ZNF722: variants seen among roughly 807,000 people sequenced by gnomAD.
ZNF722 encodes zinc finger protein 722.
chr7:64,003,196 C>T, the ZNF722 span, among the ~76,000 whole-genome samples: 1 of 152,130 alleles, frequency 6.6e-6, no homozygotes, highest in African/African-American at 2.4e-5. Flanking sequence ...TTCATGCTCC[C>T]ATTACTGTAA....
chr7:64,016,415 A>G, the ZNF722 span, among the ~76,000 whole-genome samples: 1 of 151,974 alleles, frequency 6.6e-6, no homozygotes, highest in Non-Finnish European at 1.5e-5. Context: ...AAGAGAATTT[A>G]TATTAGAGAT....
chr7:64,006,921 G>A, the ZNF722 span, among the ~76,000 whole-genome samples: 6 of 151,676 alleles, frequency 4.0e-5, no homozygotes, highest in African/African-American at 1.5e-4. Context: ...TCATTTTACT[G>A]TGTTGTATAT....
chr7:64,002,688 C>T, the ZNF722 span, among the ~76,000 whole-genome samples: 1 of 152,158 alleles, frequency 6.6e-6, no homozygotes. Context: ...GTGTTATTCC[C>T]AGCACAGTGT....
the ZNF722 span, among the ~76,000 whole-genome samples, chr7:64,004,432 A>G: frequency 8.5e-6 from 1 of 118,022 alleles, no homozygotes; most frequent in South Asian, 2.7e-4. Flanking sequence ...AAAAATATAT[A>G]TATATATATA....
At chr7:64,009,430 T>C in the ZNF722 span, among the ~76,000 whole-genome samples, 1 of 152,194 alleles carries the variant, frequency 6.6e-6, no homozygotes, top group Non-Finnish European at 1.5e-5. Flanking sequence ...AATACCTAGT[T>C]TATTGAGAGT....
the ZNF722 span, among the ~76,000 whole-genome samples, chr7:64,010,069 C>G: frequency 1.1e-4 from 16 of 152,226 alleles, no homozygotes; most frequent in South Asian, 2.1e-4. Context: ...GTTTGTATTT[C>G]TGTGGGATCG....
the ZNF722 span, chr7:64,015,971 T>C: frequency 8.9e-7 from 1 of 1,122,952 alleles, no homozygotes; most frequent in Non-Finnish European, 1.3e-6. Context: ...TAATTTATGC[T>C]GGAAAAAAAC....
chr7:64,016,363 C>G, the ZNF722 span, among the ~76,000 whole-genome samples: 1 of 151,934 alleles, frequency 6.6e-6, no homozygotes, highest in South Asian at 2.1e-4. Context: ...GTCTCGAACT[C>G]CTAACCTCAG....
At chr7:64,015,642 G>A in the ZNF722 span, 5 of 1,613,742 alleles carry the variant, frequency 3.1e-6, no homozygotes, top group Admixed American at 3.3e-5. Flanking sequence ...AATTCATACT[G>A]GAGAGAGACC....
chr7:64,015,135 C>T, the ZNF722 span: 1 of 1,432,662 alleles, frequency 7.0e-7, no homozygotes, highest in South Asian at 1.1e-5. Flanking sequence ...TGAGAATTTA[C>T]AATTTAAAAA....
the ZNF722 span, among the ~76,000 whole-genome samples, chr7:64,013,719 A>C: frequency 2.1e-4 from 32 of 152,038 alleles, no homozygotes; most frequent in Admixed American, 2.1e-3. Context: ...TTATATATGC[A>C]TGTTTTTCAG....
chr7:64,007,423 G>A, the ZNF722 span, among the ~76,000 whole-genome samples: 1 of 151,936 alleles, frequency 6.6e-6, no homozygotes, highest in East Asian at 1.9e-4. Flanking sequence ...CCTGGTGTGT[G>A]ATGTTCCCCG....
the ZNF722 span, among the ~76,000 whole-genome samples, chr7:64,017,399 G>A: frequency 6.6e-6 from 1 of 151,892 alleles, no homozygotes. Context: ...AACAAAAAAG[G>A]CATTATAAAT....
At chr7:64,000,119 C>CTTTT in the ZNF722 span, among the ~76,000 whole-genome samples, 4 of 142,806 alleles carry the variant, frequency 2.8e-5, no homozygotes, top group African/African-American at 1.1e-4. Context: ...TTTTCCCTTA[C>CTTTT]TTTTTTTTTT....
At chr7:64,015,249 T>C in the ZNF722 span, 1 of 1,198,554 alleles carries the variant, frequency 8.3e-7, no homozygotes, top group Non-Finnish European at 1.2e-6. Flanking sequence ...GACTCATAAG[T>C]GTGTCATAGT....
the ZNF722 span, chr7:63,999,145 C>T: frequency 1.1e-6 from 1 of 938,064 alleles, no homozygotes; most frequent in South Asian, 1.5e-5. Flanking sequence ...GGCTTTTAGT[C>T]CCCTCGAACC....
chr7:64,012,329 G>A, the ZNF722 span, among the ~76,000 whole-genome samples: 2 of 152,180 alleles, frequency 1.3e-5, no homozygotes, highest in African/African-American at 2.4e-5. Context: ...GCAAGAGGCT[G>A]TGATCCTTTG....
the ZNF722 span, among the ~76,000 whole-genome samples, chr7:64,011,609 GA>G: frequency 0.013 from 2,023 of 152,260 alleles, 40 homozygotes; most frequent in Non-Finnish European, 0.015. Flanking sequence ...AGTTTCTGCT[GA>G]GAGATCTGCT....
the ZNF722 span, among the ~76,000 whole-genome samples, chr7:64,000,146 G>GTA: frequency 1.4e-5 from 2 of 143,438 alleles, no homozygotes; most frequent in Middle Eastern, 3.9e-3. Flanking sequence ...GTGTGTGTGT[G>GTA]TGTGACAGAG....
Sources: allele counts gnomAD v4.1 joint callset (sites outside exome capture counted in the v4.1 genomes callset), GRCh38; gene constraint gnomAD v4.1.1; transcripts MANE v1.5; gene names NCBI Gene and HGNC (gene_info 2026-07-23, HGNC 2026-07-21).